The following SLC26A7 variants were observed in gnomAD, a reference collection of about 807,000 sequenced individuals.
SLC26A7 encodes the protein anion exchange transporter.
In SLC26A7, 59 loss-of-function variants were observed where a neutral mutation model predicts 82.5. The observed-to-expected ratio is 0.72, with a 90% CI of 0.58 to 0.89. SLC26A7 has a LOEUF of 0.89. Ranked by LOEUF, SLC26A7 falls within the 40% of genes least tolerant of loss-of-function variation. SLC26A7 has a pLI of 0.00. For synonymous variants in SLC26A7, 271 were observed against 274.3 expected (o/e 0.99, Z 0.12); for missense variants, 820 against 793.0 (o/e 1.03, Z -0.41).
At chr8:91,388,185 C>A (rs1814849811) in intron 15 of SLC26A7, among the ~76,000 whole-genome samples, 1 of 152,142 alleles carries the variant, frequency 6.6e-6, no homozygotes, top group Non-Finnish European at 1.5e-5. Flanking sequence ...GACTGGAGTG[C>A]AGTGGCACGA....
intron 2 of SLC26A7, among the ~76,000 whole-genome samples, chr8:91,235,135 G>T (rs1292540565): frequency 1.3e-5 from 2 of 151,958 alleles, no homozygotes; most frequent in Admixed American, 1.3e-4. Context: ...TGTTGCCCAG[G>T]TTGGCCTTGA....
At chr8:91,382,632 G>A (rs1814698058) in intron 15 of SLC26A7, among the ~76,000 whole-genome samples, 2 of 152,214 alleles carry the variant, frequency 1.3e-5, no homozygotes, top group South Asian at 4.1e-4. Context: ...GGAATTCATA[G>A]TAATAGTGAA....
chr8:91,321,807 G>A (rs888965068), intron 5 of SLC26A7, among the ~76,000 whole-genome samples: 1 of 151,864 alleles, frequency 6.6e-6, no homozygotes, highest in Non-Finnish European at 1.5e-5. Context: ...GGTATATATT[G>A]GGAAAAAATT....
intron 2 of SLC26A7, among the ~76,000 whole-genome samples, chr8:91,271,382 G>C (rs1811263051): frequency 6.6e-6 from 1 of 152,106 alleles, no homozygotes; most frequent in Admixed American, 6.6e-5. Flanking sequence ...AGCAGTGCTG[G>C]AAAATAGTAG....
chr8:91,378,857 T>C (rs184023423), intron 15 of SLC26A7, among the ~76,000 whole-genome samples: 37 of 152,212 alleles, frequency 2.4e-4, no homozygotes, highest in African/African-American at 8.9e-4. Context: ...TTTGGAAATC[T>C]GTAACAATTA....
chr8:91,390,531 C>T (rs949036724), intron 16 of SLC26A7, among the ~76,000 whole-genome samples: 1 of 152,112 alleles, frequency 6.6e-6, no homozygotes, highest in African/African-American at 2.4e-5. Context: ...AGCATCTGTT[C>T]TTTGGTTTCC....
intron 2 of SLC26A7, among the ~76,000 whole-genome samples, chr8:91,262,002 C>T (rs73694606): frequency 0.024 from 3,714 of 152,152 alleles, 159 homozygotes; most frequent in African/African-American, 0.081. Flanking sequence ...GTGAACTCCT[C>T]CTACCAGGAA....
chr8:91,371,523 T>C (rs1814361527), intron 15 of SLC26A7, among the ~76,000 whole-genome samples: 1 of 151,486 alleles, frequency 6.6e-6, no homozygotes, highest in South Asian at 2.1e-4. Flanking sequence ...TTAATTCACT[T>C]AAAATAATGA....
In SLC26A7 at chr8:91,340,465, G is replaced by A. The variant is rs560847740; in HGVS notation, c.940G>A (p.Gly314Arg). 35 of 1,613,834 alleles carry A rather than the reference G, an allele frequency of 2.2e-5. No individual in the cohort carries two copies. The highest frequency in any genetic ancestry group is 4.4e-5 in the South Asian group (4 of 91,066). The change falls in exon 8 of 19, where the codon GGA (glycine) becomes AGA (arginine). Residue 314 changes from glycine (G) to arginine (R), a missense_variant. Transcript: ENST00000276609. ...ILSAVITEAF[G>R]VALVGYVASL... is the part of the protein sequence containing the mutation. ...CTCTGCGGTGATCACTGAAGCTTTC[G>A]GAGTGGCACTTGTAGGCTATGTGGC...
chr8:91,256,691 T>G (rs896696003), intron 2 of SLC26A7, among the ~76,000 whole-genome samples: 31 of 151,910 alleles, frequency 2.0e-4, no homozygotes, highest in African/African-American at 7.3e-4. Context: ...TGCAAACACT[T>G]TTTTGCTTTG....
In SLC26A7 at chr8:91,249,700, C is replaced by T. The variant is rs868105742; in HGVS notation, c.49C>T (p.His17Tyr). 6.3e-7 allele frequency: 1 copy of T among 1,584,270 alleles called. No homozygotes were observed. The highest frequency in any genetic ancestry group is 1.2e-5 in the South Asian group (1 of 85,924). Residue 17 changes from histidine to tyrosine, a missense_variant, in exon 2 of 19, where the codon CAT becomes TAT. By Grantham distance (83) the His-to-Tyr change is moderately conservative (BLOSUM62 2). Coordinates refer to ENST00000276609, the MANE Select transcript of SLC26A7 (RefSeq NM_052832.4). ...GAAAAGCATGCTTTGGAGCAAGATG[C>T]ATACCCCCCAGTGTGAAGACATTAT... ...KKKSMLWSKM[H>Y]TPQCEDIIQW...
chr8:91,224,412 T>G (rs971922560), intron 2 of SLC26A7, among the ~76,000 whole-genome samples: 4 of 152,150 alleles, frequency 2.6e-5, no homozygotes, highest in Non-Finnish European at 5.9e-5. Context: ...TTTCTGCATG[T>G]TTGTTTTCTT....
chr8:91,331,779 A>G lies in SLC26A7; in HGVS notation c.643-2516A>G, dbSNP rs1177784342. Among the ~76,000 whole-genome samples the G allele has an allele frequency of 3.3e-5, 5 of 152,124 alleles. No homozygotes were observed. The East Asian group carries it at 9.6e-4, about 29-fold the overall frequency. ...ACAATTTATACTCACAAGGGCATGT[A>G]AAAGAGTTCCCATTACTTCCCCCAG... On this transcript the variant is annotated intron_variant, in intron 5 of 18. Transcript: ENST00000276609.
At chr8:91,277,861 C>T (rs1436714728) in intron 2 of SLC26A7, among the ~76,000 whole-genome samples, 1 of 151,954 alleles carries the variant, frequency 6.6e-6, no homozygotes, top group Admixed American at 6.6e-5. Flanking sequence ...TAGGCTTATT[C>T]CCCCCCAAAT....
intron 9 of SLC26A7, chr8:91,348,323 A>G (rs1212598609): frequency 1.0e-6 from 1 of 985,206 alleles, no homozygotes; most frequent in Admixed American, 6.2e-5. Context: ...GAGTTCGAGA[A>G]CTACTTATGC....
At chr8:91,366,177 T>A (rs1267281408) in intron 13 of SLC26A7, among the ~76,000 whole-genome samples, 1 of 152,202 alleles carries the variant, frequency 6.6e-6, no homozygotes, top group Admixed American at 6.5e-5. Context: ...TGACTCATGG[T>A]TGACCCTTTA....
At chr8:91,392,383 G>A (rs958721153) in intron 16 of SLC26A7, among the ~76,000 whole-genome samples, 49 of 152,048 alleles carry the variant, frequency 3.2e-4, no homozygotes, top group African/African-American at 1.2e-3. Flanking sequence ...ACTGGAAGTG[G>A]AAATACCCAC....
intron 14 of SLC26A7, 70 bp downstream of exon 14, chr8:91,366,787 C>T: frequency 1.3e-6 from 2 of 1,496,470 alleles, no homozygotes; most frequent in East Asian, 4.6e-5. Flanking sequence ...AAACATGTAT[C>T]AAGTAAATAA....
At chr8:91,239,293 C>T (rs765458523) in intron 2 of SLC26A7, among the ~76,000 whole-genome samples, 11 of 149,218 alleles carry the variant, frequency 7.4e-5, no homozygotes, top group Non-Finnish European at 1.6e-4. Flanking sequence ...TGGCGTGAGC[C>T]CGGGAGGCGG....
Sources: allele counts gnomAD v4.1 joint callset (sites outside exome capture counted in the v4.1 genomes callset), GRCh38; gene constraint gnomAD v4.1.1; transcripts MANE v1.5; gene names NCBI Gene and HGNC (gene_info 2026-07-23, HGNC 2026-07-21).